The following DDX43 variants were observed in gnomAD, a reference collection of about 807,000 sequenced individuals.
DDX43 encodes probable ATP-dependent RNA helicase DDX43.
DDX43 carries 50 observed loss-of-function variants against 84.9 expected under a neutral mutation model. The observed-to-expected ratio is 0.59, with a 90% CI of 0.47 to 0.75. The LOEUF (loss-of-function observed/expected upper bound fraction) is 0.75. DDX43 is among the 30% of genes least tolerant of loss of function. The pLI is 0.00. For synonymous variants in DDX43, 291 were observed against 266.3 expected, an observed-to-expected ratio of 1.09 and a Z score of -0.90; for missense variants, 689 against 798.6, an observed-to-expected ratio of 0.86 and a Z score of 1.65.
intron 11 of DDX43, among the ~76,000 whole-genome samples, chr6:73,413,108 T>C (rs1338928305): frequency 1.3e-5 from 2 of 152,196 alleles, no homozygotes; most frequent in African/African-American, 4.8e-5. Context: ...CATATATACA[T>C]AAATATAAGT....
chr6:73,395,305 T>C (rs1017428847), intron 1 of DDX43, 150 bp downstream of exon 1: 7 of 1,076,152 alleles, frequency 6.5e-6, no homozygotes, highest in Non-Finnish European at 7.8e-6. Context: ...AACCTGGGGA[T>C]AGAGTATAAT....
At position 73,404,872 on chromosome 6, in the gene DDX43, T is replaced by C. The variant is rs1441154546; in HGVS notation, c.650+101T>C. ...GAAATGATATTTGAAGGCTACGCCT[T>C]CAATATTCAAATGAAAATGTGTCAA... On this transcript the variant is annotated intron_variant, in intron 5 of 16. Transcript: ENST00000370336. 3 of 900,828 alleles carry C rather than the reference T, an allele frequency of 3.3e-6. 1 individual carries two copies. The highest frequency in any genetic ancestry group is 1.7e-5 in the African/African-American group (1 of 58,788). The allele number at this position is 900,828 out of a possible 1,614,324, so 55.8% of individuals were successfully genotyped here. A position where few individuals can be genotyped will look rare whatever the true frequency, so the allele number is the denominator to read the frequency against.
In DDX43 at chr6:73,416,060, G is replaced by A. The variant is rs1389729574; in HGVS notation, c.1834-53G>A. The A allele has an allele frequency of 9.9e-6, 9 of 913,572 alleles. No homozygotes were observed. In the African/African-American group the frequency reaches 1.1e-4, roughly 12 times the overall value. The allele number at this position is 913,572 out of a possible 1,614,324, so 56.6% of individuals were successfully genotyped here. On this transcript the variant is annotated intron_variant, in intron 15 of 16. Transcript: ENST00000370336. ...TCTGAAATGATTTGGATGCATTTTA[G>A]TGTTGTAGAAAAGAACTCAGAATCC...
In DDX43 at chr6:73,409,392, GA is replaced by G. The variant is rs375334257; in HGVS notation, c.1280+46del. 3.4e-4 allele frequency: 480 copies of G among 1,418,350 alleles called. 1 individual carries two copies. In the African/African-American group the frequency reaches 5.7e-3, roughly 17 times the overall value. The allele number at this position is 1,418,350 out of a possible 1,614,324, so 87.9% of individuals were successfully genotyped here. Reference sequence around the variant, plus strand: ...ACTGTGTGCAGAATAGAAATCAGTGGAATAGAATCTCATTCTGTTTGGATTT... The same window carrying G: ...ACTGTGTGCAGAATAGAAATCAGTGGATAGAATCTCATTCTGTTTGGATTT... On this transcript the variant is annotated intron_variant, in intron 10 of 16. Coordinates refer to ENST00000370336, the MANE Select transcript of DDX43 (RefSeq NM_018665.3).
chr6:73,411,175 CAAAA>C lies in DDX43; in HGVS notation c.1281-1008_1281-1005del, dbSNP rs34679802. Among the ~76,000 whole-genome samples, 11 of 49,300 alleles carry C rather than the reference CAAAA, an allele frequency of 2.2e-4. No homozygotes were observed. The East Asian group carries it at 3.8e-3, about 17-fold the overall frequency. The allele number at this position is 49,300 out of a possible 152,430, so 32.3% of individuals were successfully genotyped here. On this transcript the variant is annotated intron_variant, in intron 10 of 16. Coordinates refer to ENST00000370336, the MANE Select transcript of DDX43 (RefSeq NM_018665.3). ...TGGGTGACAGAGCAAGACTCCATCT[CAAAA>C]AAAAAAAAAAAAAAAAAAAAATTTA...
chr6:73,403,070 G>A (rs1402454935), intron 4 of DDX43, among the ~76,000 whole-genome samples: 3 of 152,218 alleles, frequency 2.0e-5, no homozygotes, highest in Non-Finnish European at 4.4e-5. Flanking sequence ...CAAGACCTCT[G>A]CAAGTTAAGT....
chr6:73,401,062 T>C (rs542600828), intron 3 of DDX43, among the ~76,000 whole-genome samples: 1 of 152,298 alleles, frequency 6.6e-6, no homozygotes, highest in African/African-American at 2.4e-5. Context: ...ATTATAGCCT[T>C]GACCTCCTGG....
At chr6:73,412,668 T>TGTGTGTGTGTGTGTGTGTGTGCGCGCGC (rs538597626) in intron 11 of DDX43, among the ~76,000 whole-genome samples, 1 of 108,396 alleles carries the variant, frequency 9.2e-6, no homozygotes, top group African/African-American at 4.0e-5. Context: ...TGTGTGTGTG[T>TGTGTGTGTGTGTGTGTGTGTGCGCGCGC]GCGCGCGCGC....
At chr6:73,412,658 TGTGTGTGTGTGCGCGCGCGC>T (rs1418104200) in intron 11 of DDX43, among the ~76,000 whole-genome samples, 3 of 87,840 alleles carry the variant, frequency 3.4e-5, no homozygotes, top group Non-Finnish European at 4.9e-5. Flanking sequence ...TGTGTGTGTG[TGTGTGTGTGTGCGCGCGCGC>T]GTGTGTGTGT....
intron 11 of DDX43, 44 bp from the exon 12 acceptor site, chr6:73,413,614 C>T (rs751588394): frequency 3.1e-6 from 5 of 1,594,874 alleles, no homozygotes; most frequent in Middle Eastern, 1.7e-4. Flanking sequence ...GTCTCACCCT[C>T]AATCATGATG....
intron 4 of DDX43, among the ~76,000 whole-genome samples, chr6:73,403,602 A>G (rs771166236): frequency 6.6e-5 from 10 of 152,212 alleles, no homozygotes; most frequent in Non-Finnish European, 8.8e-5. Flanking sequence ...GTGTGGGAGT[A>G]TATTTATCAG....
rs1247656563 is a variant in DDX43, at chr6:73,407,512, G to T, written c.934G>T (p.Gly312Cys). The T allele has an allele frequency of 6.2e-7, 1 of 1,608,534 alleles. No individual in the cohort carries two copies. Among genetic ancestry groups the T allele is most frequent in the Non-Finnish European group, 8.5e-7 (1 of 1,175,330 alleles). Reference protein sequence around the residue: ...IHLVLQPSLKGQRNRPGMLVL... With the variant: ...IHLVLQPSLKCQRNRPGMLVL... ...TCTGTTTTCTCTCCAAAGCCTTAAA[G>T]GTCAAAGGAATAGACCCGGCATGTT... is the stretch of plus-strand genomic sequence containing the variant. The change falls in exon 8 of 17, where the codon GGT becomes TGT. Residue 312 changes from glycine (G) to cysteine (C), a missense_variant. Physicochemically the swap from Gly to Cys is radical, Grantham distance 159 (BLOSUM62 -3). This residue lies in a region of DDX43 where 552 missense variants were observed against 692.7 expected (regional missense o/e 0.80). Transcript: ENST00000370336.
At chr6:73,406,127 A>G (rs1285091970) in intron 6 of DDX43, among the ~76,000 whole-genome samples, 1 of 151,742 alleles carries the variant, frequency 6.6e-6, no homozygotes, top group Non-Finnish European at 1.5e-5. Flanking sequence ...AGGTTCAAGC[A>G]AGTCTCCTGC....
Position 73,401,990 on chromosome 6 carries a change from G to A in DDX43, c.568G>A (p.Asp190Asn), listed in dbSNP as rs890293614. The A allele has an allele frequency of 6.2e-6, 10 of 1,613,690 alleles. No individual in the cohort carries two copies. The highest frequency in any genetic ancestry group is 8.5e-6 in the Non-Finnish European group (10 of 1,179,906). The change falls in exon 4 of 17, where the codon GAT becomes AAT. Residue 190 changes from aspartate to asparagine, a missense_variant and splice_region_variant. Physicochemically the swap from Asp to Asn is conservative, Grantham distance 23. Around this residue, in one of 2 missense-constraint regions of DDX43, gnomAD observed 552 missense variants for 692.7 expected, o/e 0.80. Coordinates refer to ENST00000370336, the MANE Select transcript of DDX43 (RefSeq NM_018665.3). Reference protein sequence around the residue: ...GLKWQKTKWADLPPIKKNFYK... With the variant: ...GLKWQKTKWANLPPIKKNFYK... ...GAAATGGCAAAAAACAAAGTGGGCA[G>A]GTCAGTGCTGCTTCCTAATATTTAC... is the stretch of plus-strand genomic sequence containing the variant.
At position 73,413,654 on chromosome 6, in the gene DDX43, T is replaced by C; in HGVS notation, c.1369-4T>C. 1 of 1,613,032 alleles carries C rather than the reference T, an allele frequency of 6.2e-7. No homozygotes were observed. The highest frequency in any genetic ancestry group is 8.5e-7 in the Non-Finnish European group (1 of 1,179,708). On this transcript the variant is annotated splice_polypyrimidine_tract_variant and splice_region_variant and intron_variant, in intron 11 of 16. Coordinates refer to ENST00000370336, the MANE Select transcript of DDX43 (RefSeq NM_018665.3). Reference sequence around the variant, plus strand: ...TGATGAACTATGTTCTTTGAATCCTTTAGGCTGTAAGTTCAGTGAAGCAAA... The same window carrying C: ...TGATGAACTATGTTCTTTGAATCCTCTAGGCTGTAAGTTCAGTGAAGCAAA...
At chr6:73,405,993 G>A (rs1769671959) in intron 6 of DDX43, among the ~76,000 whole-genome samples, 158 bp downstream of exon 6, 1 of 151,762 alleles carries the variant, frequency 6.6e-6, no homozygotes, top group South Asian at 2.1e-4. Flanking sequence ...TTTGGAGCTG[G>A]GAAAGAAGGA....
rs1328073140 is a variant in DDX43 at position 73,414,018 on chromosome 6, G to A, written c.1545G>A (p.Glu515=). ...TAATACTTGGAAATATATCAGTAGA[G>A]TCTCTGCATGGAGATAGAGAACAGA... ...SDLILGNISV[E]SLHGDREQRD... is the part of the protein sequence containing the mutation. Residue 515 remains glutamate, a synonymous_variant, in exon 13 of 17, where the codon GAG becomes GAA. Coordinates refer to ENST00000370336, the MANE Select transcript of DDX43 (RefSeq NM_018665.3). 2 of 1,612,530 alleles carry A rather than the reference G, an allele frequency of 1.2e-6. No individual in the cohort carries two copies. The highest frequency in any genetic ancestry group is 1.3e-5 in the African/African-American group (1 of 75,028).
intron 1 of DDX43, among the ~76,000 whole-genome samples, chr6:73,396,427 G>A (rs989265345): frequency 6.6e-5 from 10 of 152,140 alleles, no homozygotes; most frequent in Non-Finnish European, 1.3e-4. Flanking sequence ...ACTAATTGCT[G>A]TACTACCCAG....
intron 9 of DDX43, among the ~76,000 whole-genome samples, chr6:73,408,472 T>TCCCTC (rs1769721171): frequency 6.6e-6 from 1 of 152,100 alleles, no homozygotes; most frequent in Admixed American, 6.6e-5. Context: ...TTATTTCTCT[T>TCCCTC]CCCTCCCCTT....
Sources: allele counts gnomAD v4.1 joint callset (sites outside exome capture counted in the v4.1 genomes callset), GRCh38; gene constraint gnomAD v4.1.1; regional missense constraint gnomAD v4.1.1; transcripts MANE v1.5; gene names NCBI Gene and HGNC (gene_info 2026-07-23, HGNC 2026-07-21).